Variants in GIPC2 observed in about 807,000 individuals in gnomAD.
The protein encoded by GIPC2 is GIPC PDZ domain containing family member 2.
A neutral mutation model predicts 30.6 loss-of-function variants in GIPC2; 30 were observed. The observed-to-expected ratio is 0.98, with a 90% confidence interval of 0.73 to 1.33. The LOEUF (loss-of-function observed/expected upper bound fraction) is 1.33. Ranked by LOEUF, GIPC2 falls within the 40% of genes most tolerant of loss-of-function variation. The probability of loss-of-function intolerance (pLI) is 0.00; values close to 1 mark genes in which losing one functional copy is unlikely to be tolerated. For synonymous variants in GIPC2, 167 were observed against 150.0 expected, an observed-to-expected ratio of 1.11 and a Z score of -0.83; for missense variants, 414 against 390.3, an observed-to-expected ratio of 1.06 and a Z score of -0.51.
intron 3 of GIPC2, among the ~76,000 whole-genome samples, chr1:78,118,711 T>A (rs1012486124): frequency 3.3e-5 from 5 of 152,180 alleles, no homozygotes; most frequent in African/African-American, 1.2e-4. Context: ...ATTTTATCCC[T>A]TGTGCTTTCA....
chr1:78,117,587 G>T (rs1662592228), intron 3 of GIPC2, among the ~76,000 whole-genome samples: 1 of 152,198 alleles, frequency 6.6e-6, no homozygotes, highest in African/African-American at 2.4e-5. Flanking sequence ...AAGGGAGGCA[G>T]AGCTCAGGCT....
intron 2 of GIPC2, among the ~76,000 whole-genome samples, chr1:78,087,725 C>A (rs1437239149): frequency 6.6e-6 from 1 of 152,114 alleles, no homozygotes; most frequent in African/African-American, 2.4e-5. Context: ...GACAAAGACA[C>A]CAAAGCAATC....
chr1:78,105,263 CAG>C (rs1662322351), intron 3 of GIPC2, among the ~76,000 whole-genome samples: 2 of 151,352 alleles, frequency 1.3e-5, no homozygotes, highest in Admixed American at 1.3e-4. Context: ...TTACCCTAAA[CAG>C]TGATTGATGT....
rs759425031 is a variant in GIPC2 at position 78,095,026 on chromosome 1, A to G, written c.501A>G (p.Gly167=). The change falls in exon 3 of 6, where the codon GGA becomes GGG. Residue 167 remains glycine (G), a synonymous_variant. Transcript: ENST00000370759. ...CVGDHIESIN[G]ENIVGWRHYD... ...GGGATCATATTGAATCCATAAATGG[A>G]GAAAATATTGTTGGGTGGCGTCACT... 6.2e-7 allele frequency: 1 copy of G among 1,606,848 alleles called. No individual in the cohort carries two copies.
At chr1:78,072,609 A>G (rs1325240892) in intron 1 of GIPC2, among the ~76,000 whole-genome samples, 3 of 152,022 alleles carry the variant, frequency 2.0e-5, no homozygotes, top group East Asian at 1.9e-4. Context: ...TTTAATTCCT[A>G]TAACTTTAAG....
chr1:78,084,410 C>T (rs147122468), intron 2 of GIPC2, among the ~76,000 whole-genome samples: 3 of 151,366 alleles, frequency 2.0e-5, no homozygotes, highest in Non-Finnish European at 4.4e-5. Context: ...ACTTGGGAGG[C>T]CAAGACAGGA....
chr1:78,089,119 G>C (rs2100363693), intron 2 of GIPC2: 1 of 152,314 alleles, frequency 6.6e-6, no homozygotes, highest in East Asian at 1.9e-4. Flanking sequence ...AATAAGAGTA[G>C]GTTAAAGTCA....
At chr1:78,073,213 C>T (rs1014700345) in intron 1 of GIPC2, among the ~76,000 whole-genome samples, 1 of 151,646 alleles carries the variant, frequency 6.6e-6, no homozygotes, top group Non-Finnish European at 1.5e-5. Flanking sequence ...AAGCAGTTCT[C>T]CTGCTTCAGC....
At chr1:78,064,533 C>T (rs146380872) in intron 1 of GIPC2, among the ~76,000 whole-genome samples, 1 of 152,130 alleles carries the variant, frequency 6.6e-6, no homozygotes, top group Non-Finnish European at 1.5e-5. Context: ...AGTAATTGTC[C>T]TACACTGTGA....
upstream of GIPC2, chr1:78,045,712 G>A (rs1377156443): frequency 1.1e-5 from 11 of 985,374 alleles, no homozygotes; most frequent in Non-Finnish European, 1.3e-5. Flanking sequence ...ATGCGTGGGT[G>A]CCTACTACAG....
chr1:78,045,803 A>C, upstream of GIPC2: 1 of 1,177,368 alleles, frequency 8.5e-7, no homozygotes, highest in Non-Finnish European at 1.0e-6. Flanking sequence ...TCAGGCGTTC[A>C]CGTAAATAGA....
intron 3 of GIPC2, among the ~76,000 whole-genome samples, chr1:78,103,128 C>T (rs1289576258): frequency 6.6e-6 from 1 of 152,222 alleles, no homozygotes; most frequent in Non-Finnish European, 1.5e-5. Context: ...CAGTCAGCCT[C>T]CAGAGCCAGC....
intron 5 of GIPC2, among the ~76,000 whole-genome samples, chr1:78,134,360 G>GTGTA (rs1662962441): frequency 6.6e-6 from 1 of 151,494 alleles, no homozygotes; most frequent in Admixed American, 6.6e-5. Flanking sequence ...GTGTGTGTGT[G>GTGTA]TGTATGTATG....
At chr1:78,132,977 TGAACTG>T in intron 5 of GIPC2, among the ~76,000 whole-genome samples, 1 of 152,338 alleles carries the variant, frequency 6.6e-6, no homozygotes, top group East Asian at 1.9e-4. Context: ...AGCAAAATTC[TGAACTG>T]GAGTTCTACT....
intron 2 of GIPC2, among the ~76,000 whole-genome samples, chr1:78,084,608 T>A (rs1029721322): frequency 1.3e-5 from 2 of 152,198 alleles, no homozygotes; most frequent in Non-Finnish European, 2.9e-5. Flanking sequence ...AAATTTTTAC[T>A]TTCAAAGTCA....
chr1:78,126,591 A>T (rs1267727016), intron 5 of GIPC2, among the ~76,000 whole-genome samples: 5 of 152,104 alleles, frequency 3.3e-5, no homozygotes, highest in African/African-American at 1.2e-4. Flanking sequence ...TATAATTGAA[A>T]AGTCTAGCGC....
chr1:78,128,474 G>C (rs1350907577), intron 5 of GIPC2, among the ~76,000 whole-genome samples: 2 of 152,156 alleles, frequency 1.3e-5, no homozygotes, highest in African/African-American at 4.8e-5. Flanking sequence ...AATACTTTTA[G>C]ACATATAAGG....
intron 1 of GIPC2, among the ~76,000 whole-genome samples, chr1:78,076,807 C>T (rs1415863320): frequency 2.0e-5 from 3 of 152,152 alleles, no homozygotes; most frequent in Admixed American, 1.3e-4. Context: ...CTCGCTCTGT[C>T]ACCCAGGCTG....
chr1:78,082,795 A>G (rs1181079410), intron 2 of GIPC2, among the ~76,000 whole-genome samples: 1 of 152,216 alleles, frequency 6.6e-6, no homozygotes, highest in Non-Finnish European at 1.5e-5. Context: ...TACATGGTTG[A>G]TGAAATTTTT....
Sources: gnomAD v4.1 joint callset for allele counts (sites outside exome capture counted in the v4.1 genomes callset) on GRCh38, gnomAD v4.1.1 for gene constraint, MANE v1.5 for transcripts, NCBI Gene and HGNC (gene_info 2026-07-23, HGNC 2026-07-21) for gene names.